PDE2A: variants seen among roughly 807,000 people sequenced by gnomAD.
PDE2A encodes cGMP-dependent 3',5'-cyclic phosphodiesterase.
Under a neutral mutation model 133.6 loss-of-function variants are expected in PDE2A, and 53 were observed. The observed-to-expected ratio is 0.40, with a 90% CI of 0.32 to 0.50. PDE2A has a LOEUF of 0.50. Among genes scored for constraint, PDE2A ranks in the 20% least tolerant of loss-of-function variants. The probability of loss-of-function intolerance (pLI) is 0.73; values close to 1 mark genes in which losing one functional copy is unlikely to be tolerated. For synonymous variants in PDE2A, 491 were observed against 490.2 expected, an observed-to-expected ratio of 1.00 and a Z score of -0.02; for missense variants, 796 against 1,232.4, an observed-to-expected ratio of 0.65 and a Z score of 5.30.
At chr11:72,643,439 TC>T (rs1487667704) in intron 1 of PDE2A, 8 of 151,912 alleles carry the variant, frequency 5.3e-5, no homozygotes, top group Non-Finnish European at 1.2e-4. Context: ...TCGGATCCCC[TC>T]CCCCCACTTC....
chr11:72,611,172 C>T (rs556555193), intron 2 of PDE2A, among the ~76,000 whole-genome samples: 8 of 152,258 alleles, frequency 5.3e-5, no homozygotes, highest in South Asian at 2.1e-4. Context: ...ACCCAGGTGA[C>T]GGAGTGAGCC....
At position 72,642,315 on chromosome 11, in the gene PDE2A, T is replaced by A. The variant is rs1415407571; in HGVS notation, c.83A>T (p.Gln28Leu). The A allele has an allele frequency of 6.5e-7, 1 of 1,540,608 alleles. No homozygotes were observed. Among genetic ancestry groups the A allele is most frequent in the Non-Finnish European group, 8.7e-7 (1 of 1,146,374 alleles). Residue 28 changes from glutamine to leucine, a missense_variant, in exon 2 of 31, where the codon CAG (glutamine) becomes CTG (leucine). By Grantham distance (113) the Gln-to-Leu change is moderately radical (BLOSUM62 -2). Around this residue, in one of 7 missense-constraint regions of PDE2A, gnomAD observed 417 missense variants for 475.3 expected, o/e 0.88. Transcript: ENST00000334456. ...CGGCTCGTCCGGCTTGAGGAAGACC[T>A]GCTGGCCCCGCCTGAGGAATTGGAC... ...AARPAEPRGQ[Q>L]VFLKPDEPPP...
At chr11:72,598,733 T>C (rs1856598413) in intron 4 of PDE2A, 1 of 1,251,942 alleles carries the variant, frequency 8.0e-7, no homozygotes, top group Non-Finnish European at 1.0e-6. Flanking sequence ...TCAGAGACTC[T>C]AGACAAATCG....
chr11:72,579,182 ATGT>A (rs1186911087), intron 27 of PDE2A, 99 bp downstream of exon 27: 1 of 991,476 alleles, frequency 1.0e-6, no homozygotes, highest in Non-Finnish European at 1.6e-6. Flanking sequence ...AGAAGGGTTG[ATGT>A]TGCAGGGGAT....
chr11:72,674,355 A>C lies in PDE2A; in HGVS notation c.-148T>G. ...TACTCAGCCTGGACTCAACACCCCA[A>C]TCCAGCTCTGCTGCCCCGCTGCTCC... On this transcript the variant is annotated 5_prime_UTR_variant, in exon 1 of 31. Transcript: ENST00000334456. 2.7e-5 allele frequency: 18 copies of C among 660,600 alleles called. No individual in the cohort carries two copies. The highest frequency in any genetic ancestry group is 4.0e-5 in the South Asian group (2 of 50,248). The allele number at this position is 660,600 out of a possible 1,614,324, so 40.9% of individuals were successfully genotyped here.
chr11:72,586,589 G>A (rs1417707465), intron 13 of PDE2A, among the ~76,000 whole-genome samples: 6 of 152,162 alleles, frequency 3.9e-5, no homozygotes, highest in Non-Finnish European at 7.4e-5. Context: ...CCTGGACTCC[G>A]CTGGCCCTGA....
chr11:72,642,518 C>T, intron 1 of PDE2A, 192 bp from the exon 2 acceptor site: 1 of 476,418 alleles, frequency 2.1e-6, no homozygotes, highest in Non-Finnish European at 2.7e-6. Flanking sequence ...GCCCCGGCCC[C>T]GCCTATGTCC....
At position 72,597,477 on chromosome 11, in the gene PDE2A, TGC is replaced by T; in HGVS notation, c.433+31_433+32del. The T allele has an allele frequency of 1.6e-6, 2 of 1,253,082 alleles. No homozygotes were observed. The highest frequency in any genetic ancestry group is 1.2e-6 in the Non-Finnish European group (1 of 869,462). The allele number at this position is 1,253,082 out of a possible 1,614,324, so 77.6% of individuals were successfully genotyped here. On this transcript the variant is annotated intron_variant, in intron 5 of 30. Coordinates refer to ENST00000334456, the MANE Select transcript of PDE2A (RefSeq NM_002599.5). This position sits in a 1 kb window ranked among gnomAD's most constrained non-coding sequence, Gnocchi z 4.6. The stretch of plus-strand genomic sequence containing the variant: ...AGGGGCCACAGTCCCTCCCTGCCCC[TGC>T]CCCTGCCCCTGCCCAGCCCCTAGCC...
At chr11:72,667,907 AGAG>A (rs961647959) in intron 1 of PDE2A, among the ~76,000 whole-genome samples, 14 of 150,052 alleles carry the variant, frequency 9.3e-5, no homozygotes, top group Non-Finnish European at 1.8e-4. Flanking sequence ...AAGATGAAGG[AGAG>A]GAGAAGGAAG....
At position 72,590,129 on chromosome 11, in the gene PDE2A, G is replaced by A. The variant is rs1856169525; in HGVS notation, c.756+63C>T. ...TTGGAACTGAGATGGAGGGCTCAAGGGGAAGTTGGTCCCCGGAGGGAGACA... is the reference window on the plus strand; with the variant it reads ...TTGGAACTGAGATGGAGGGCTCAAGAGGAAGTTGGTCCCCGGAGGGAGACA... On this transcript the variant is annotated intron_variant, in intron 9 of 30. Transcript: ENST00000334456. This position sits in a 1 kb window ranked among gnomAD's most constrained non-coding sequence, Gnocchi z 4.8. The A allele has an allele frequency of 6.9e-7, 1 of 1,458,498 alleles. No homozygotes were observed. Among genetic ancestry groups the A allele is most frequent in the Non-Finnish European group, 9.4e-7 (1 of 1,066,396 alleles). The allele number at this position is 1,458,498 out of a possible 1,614,324, so 90.3% of individuals were successfully genotyped here. A position where few individuals can be genotyped will look rare whatever the true frequency, so the allele number is the denominator to read the frequency against.
chr11:72,586,238 C>G, intron 13 of PDE2A, 57 bp from the exon 14 acceptor site: 1 of 1,000,626 alleles, frequency 1.0e-6, no homozygotes, highest in Admixed American at 1.9e-5. Flanking sequence ...TCTCTCCCCA[C>G]TCTCCTTACT....
intron 1 of PDE2A, among the ~76,000 whole-genome samples, chr11:72,645,020 G>A (rs138658819): frequency 0.021 from 3,181 of 152,268 alleles, 88 homozygotes; most frequent in African/African-American, 0.073. Context: ...CTCCCAAAGT[G>A]TTGGGATTAC....
intron 1 of PDE2A, chr11:72,652,617 T>C (rs1854770672): frequency 8.8e-6 from 4 of 456,172 alleles, no homozygotes; most frequent in South Asian, 6.2e-5. Context: ...GATGACCACC[T>C]ACTAAGTGCC....
intron 1 of PDE2A, among the ~76,000 whole-genome samples, chr11:72,644,368 G>GC (rs1445566961): frequency 6.6e-6 from 1 of 152,204 alleles, no homozygotes; most frequent in East Asian, 1.9e-4. Context: ...AAAGGTTCTG[G>GC]CCCCCACAGG....
At chr11:72,614,983 C>T in intron 2 of PDE2A, 1 of 394,838 alleles carries the variant, frequency 2.5e-6, no homozygotes, top group Non-Finnish European at 5.8e-6. Flanking sequence ...CCTCCCCTCC[C>T]TCCTCTACTT....
At chr11:72,639,548 G>T (rs539064184) in intron 2 of PDE2A, among the ~76,000 whole-genome samples, 1 of 152,142 alleles carries the variant, frequency 6.6e-6, no homozygotes, top group South Asian at 2.1e-4. Flanking sequence ...TGCCTGCGCC[G>T]TATGCCTCCC....
intron 1 of PDE2A, among the ~76,000 whole-genome samples, chr11:72,672,505 C>T (rs748988558): frequency 6.6e-6 from 1 of 152,112 alleles, no homozygotes; most frequent in Non-Finnish European, 1.5e-5. Flanking sequence ...TTTCTAGAAC[C>T]CAAATCTGAT....
chr11:72,601,957 T>C (rs1856767174), intron 4 of PDE2A, among the ~76,000 whole-genome samples: 1 of 152,060 alleles, frequency 6.6e-6, no homozygotes, highest in Non-Finnish European at 1.5e-5. Flanking sequence ...GGATCCCAGG[T>C]CTCTGACTCC....
Position 72,612,053 on chromosome 11 carries a change from A to T in PDE2A, c.145-3302T>A, listed in dbSNP as rs578045376. ...ACAGATGGGGAGCAAGGCTCAAGTC[A>T]GGGGGCTTCGATCTTAAAAGGAAGA... On this transcript the variant is annotated intron_variant, in intron 2 of 30. Transcript: ENST00000334456. Among the ~76,000 whole-genome samples the T allele has an allele frequency of 2.0e-5, 3 of 152,286 alleles. No individual in the cohort carries two copies. The South Asian group carries it at 6.2e-4, about 32-fold the overall frequency.
Sources: allele counts gnomAD v4.1 joint callset (sites outside exome capture counted in the v4.1 genomes callset), GRCh38; gene constraint gnomAD v4.1.1; regional missense constraint gnomAD v4.1.1; non-coding constraint Gnocchi (gnomAD v3.1); transcripts MANE v1.5; gene names NCBI Gene and HGNC (gene_info 2026-07-23, HGNC 2026-07-21).